Variants in ATP8A1 observed in about 807,000 individuals in gnomAD.
The protein encoded by ATP8A1 is phospholipid-transporting ATPase IA.
Under a neutral mutation model 177.7 loss-of-function variants are expected in ATP8A1, and 90 were observed. The observed-to-expected ratio is 0.51, with a 90% CI of 0.43 to 0.60. The LOEUF is 0.60. Among genes scored for constraint, ATP8A1 ranks in the 20% least tolerant of loss-of-function variants. The probability of loss-of-function intolerance (pLI) is 0.00; values close to 1 mark genes in which losing one functional copy is unlikely to be tolerated. For missense variants in ATP8A1, 1,072 were observed against 1,392.8 expected, an observed-to-expected ratio of 0.77 and a Z score of 3.67; for synonymous variants, 493 against 485.9, an observed-to-expected ratio of 1.01 and a Z score of -0.19.
intron 5 of ATP8A1, among the ~76,000 whole-genome samples, chr4:42,610,481 G>A (rs1014655144): frequency 2.0e-5 from 3 of 150,498 alleles, no homozygotes; most frequent in Non-Finnish European, 2.9e-5. Flanking sequence ...GCACATACAC[G>A]AATAAAGCAC....
At chr4:42,591,009 T>C in intron 6 of ATP8A1, 125 bp from the exon 7 acceptor site, 2 of 802,570 alleles carry the variant, frequency 2.5e-6, no homozygotes, top group Non-Finnish European at 3.9e-6. Flanking sequence ...TACATGTTAA[T>C]AAAAACATCT....
At chr4:42,507,800 A>AAC (rs1560402954) in intron 22 of ATP8A1, among the ~76,000 whole-genome samples, 1 of 146,002 alleles carries the variant, frequency 6.8e-6, no homozygotes, top group Non-Finnish European at 1.5e-5. Flanking sequence ...AAAAAAAAAA[A>AAC]AAAAAAAAAC....
intron 33 of ATP8A1, among the ~76,000 whole-genome samples, chr4:42,435,767 G>A (rs970412244): frequency 6.6e-6 from 1 of 152,190 alleles, no homozygotes; most frequent in Non-Finnish European, 1.5e-5. Flanking sequence ...TTCTTCATAT[G>A]ACAGGTATTC....
rs569427877 is a variant in ATP8A1 at position 42,626,724 on chromosome 4, G to C, written c.164+271C>G. On this transcript the variant is annotated intron_variant, in intron 2 of 36. Transcript: ENST00000381668. Reference sequence around the variant, plus strand: ...GCTCTATTAACAGGTTTAGGACAGAGGCATTTACACATAAGCAGCTTTCAT... The same window carrying C: ...GCTCTATTAACAGGTTTAGGACAGACGCATTTACACATAAGCAGCTTTCAT... 2.3e-4 allele frequency: 105 copies of C among 453,470 alleles called. 1 individual carries two copies. The South Asian group carries it at 2.4e-3, about 10-fold the overall frequency. The allele number at this position is 453,470 out of a possible 1,614,324, so 28.1% of individuals were successfully genotyped here.
rs111244110 is a variant in ATP8A1, at chr4:42,502,045, CT to C, written c.2151+1404del. 9.9e-4 allele frequency among the ~76,000 whole-genome samples: 148 copies of C among 149,040 alleles called. 2 individuals are homozygous for C. The highest frequency in any genetic ancestry group is 6.9e-3 in the Middle Eastern group (2 of 288). Reference sequence around the variant, plus strand: ...AACAACCAAATTTAAAACTGATATACTTTTTTTTTTTCAAAAAAGAAGCCCT... The same window carrying C: ...AACAACCAAATTTAAAACTGATATACTTTTTTTTTTCAAAAAAGAAGCCCT... On this transcript the variant is annotated intron_variant, in intron 24 of 36. Coordinates refer to ENST00000381668, the MANE Select transcript of ATP8A1 (RefSeq NM_006095.2).
chr4:42,507,799 A>AAAAC (rs1724591775), intron 22 of ATP8A1, among the ~76,000 whole-genome samples: 2 of 118,902 alleles, frequency 1.7e-5, no homozygotes, highest in Non-Finnish European at 3.9e-5. Flanking sequence ...AAAAAAAAAA[A>AAAAC]AAAAAAAAAA....
chr4:42,589,279 C>G (rs958297689), intron 7 of ATP8A1, among the ~76,000 whole-genome samples: 2 of 152,144 alleles, frequency 1.3e-5, no homozygotes, highest in African/African-American at 4.8e-5. Flanking sequence ...ATATAATAGG[C>G]TTAATTTACT....
chr4:42,524,611 T>C, intron 21 of ATP8A1, 152 bp downstream of exon 21: 1 of 433,390 alleles, frequency 2.3e-6, no homozygotes, highest in Non-Finnish European at 4.0e-6. Context: ...AAACACAGGC[T>C]GGGAACAGCA....
intron 15 of ATP8A1, among the ~76,000 whole-genome samples, chr4:42,566,881 T>A (rs573028842): frequency 3.2e-4 from 48 of 152,198 alleles, no homozygotes; most frequent in African/African-American, 1.0e-3. Flanking sequence ...GTCAAATATG[T>A]CATGAGGATT....
chr4:42,568,749 C>A (rs1731599935), intron 15 of ATP8A1, among the ~76,000 whole-genome samples: 1 of 152,148 alleles, frequency 6.6e-6, no homozygotes, highest in Non-Finnish European at 1.5e-5. Flanking sequence ...AAAATTTCCA[C>A]TGCTTGGGTA....
At chr4:42,470,314 C>G (rs1259695737) in intron 25 of ATP8A1, among the ~76,000 whole-genome samples, 1 of 152,216 alleles carries the variant, frequency 6.6e-6, no homozygotes, top group Non-Finnish European at 1.5e-5. Flanking sequence ...GTAACTCTCA[C>G]TGCCCTGTGA....
At chr4:42,444,992 C>T (rs1366320805) in intron 31 of ATP8A1, among the ~76,000 whole-genome samples, 1 of 152,176 alleles carries the variant, frequency 6.6e-6, no homozygotes, top group African/African-American at 2.4e-5. Context: ...GCTTACTTTA[C>T]CTTTATTTTA....
chr4:42,507,266 A>G (rs1232249471), intron 22 of ATP8A1, 112 bp from the exon 23 acceptor site: 4 of 1,131,776 alleles, frequency 3.5e-6, no homozygotes, highest in African/African-American at 1.6e-5. Flanking sequence ...TAATTCATGG[A>G]CTTTGGTGTA....
chr4:42,433,128 T>C (rs957185024), intron 33 of ATP8A1, among the ~76,000 whole-genome samples: 2 of 152,218 alleles, frequency 1.3e-5, no homozygotes, highest in Non-Finnish European at 2.9e-5. Context: ...TGGTTCTAGC[T>C]CCAATCATTT....
At chr4:42,557,287 A>C (rs1730337280) in intron 15 of ATP8A1, among the ~76,000 whole-genome samples, 1 of 152,194 alleles carries the variant, frequency 6.6e-6, no homozygotes, top group South Asian at 2.1e-4. Flanking sequence ...TTGAAGATGG[A>C]AGGAAAAAAA....
At position 42,445,803 on chromosome 4, in the gene ATP8A1, G is replaced by A. The variant is rs145071805; in HGVS notation, c.2958+780C>T. On this transcript the variant is annotated intron_variant, in intron 31 of 36. Transcript: ENST00000381668. ...ATTCTAAAAGAAGAGATATAGGCCA[G>A]GTGTGGTGGCTCATGCCTTTAATCC... 8.0e-3 allele frequency among the ~76,000 whole-genome samples: 1,214 copies of A among 152,290 alleles called. 17 individuals are homozygous for A. The highest frequency in any genetic ancestry group is 0.027 in the African/African-American group (1,143 of 41,574).
At chr4:42,600,675 C>T (rs1289320676) in intron 5 of ATP8A1, among the ~76,000 whole-genome samples, 157 bp from the exon 6 acceptor site, 1 of 152,176 alleles carries the variant, frequency 6.6e-6, no homozygotes, top group Non-Finnish European at 1.5e-5. Flanking sequence ...AATATGTAAA[C>T]TTACACAAAA....
At chr4:42,631,467 AC>A (rs1421070434) in intron 1 of ATP8A1, among the ~76,000 whole-genome samples, 17 of 152,140 alleles carry the variant, frequency 1.1e-4, no homozygotes, top group Non-Finnish European at 2.1e-4. Flanking sequence ...AAAGTAACCC[AC>A]CCACCAGTGG....
At chr4:42,607,595 A>G (rs11942664) in intron 5 of ATP8A1, among the ~76,000 whole-genome samples, 34,099 of 151,478 alleles carry the variant, frequency 0.23, 4,313 homozygotes, top group Non-Finnish European at 0.29. Context: ...AGGGTTGTTG[A>G]GCCAAAAGTA....
Sources: gnomAD v4.1 joint callset for allele counts (sites outside exome capture counted in the v4.1 genomes callset) on GRCh38, gnomAD v4.1.1 for gene constraint, MANE v1.5 for transcripts, NCBI Gene and HGNC (gene_info 2026-07-23, HGNC 2026-07-21) for gene names.